The following MAP4 variants were observed in gnomAD, a reference collection of about 807,000 sequenced individuals.
MAP4 encodes the protein microtubule associated protein 4, also known as microtubule-associated protein 4.
A neutral mutation model predicts 170.2 loss-of-function variants in MAP4; 76 were observed. That is an observed-to-expected ratio of 0.45 (90% confidence interval 0.37 to 0.54). The LOEUF (loss-of-function observed/expected upper bound fraction) is 0.54, where lower values mean the gene tolerates loss of function less well. MAP4 is among the 20% of genes least tolerant of loss of function. The pLI is 0.00. For synonymous variants in MAP4, 909 were observed against 994.5 expected (o/e 0.91, Z 1.62); for missense variants, 2,506 against 2,748.0 (o/e 0.91, Z 1.97).
Position 48,078,248 on chromosome 3 carries a change from G to C in MAP4, c.-20+10525C>G, listed in dbSNP as rs187116709. Among the ~76,000 whole-genome samples the C allele has an allele frequency of 7.4e-4, 112 of 151,668 alleles. 1 individual carries two copies. Among genetic ancestry groups the C allele is most frequent in the African/African-American group, 2.6e-3 (109 of 41,352 alleles). On this transcript the variant is annotated intron_variant, in intron 1 of 18. Transcript: ENST00000360240. ...CTCAAATTCTTTGGCTCAAGTGAAT[G>C]ATCCTCCCACCTCAGCCTCCCAAGA...
At chr3:47,876,556 TCAG>T (rs976814732) in intron 11 of MAP4, among the ~76,000 whole-genome samples, 12 of 146,900 alleles carry the variant, frequency 8.2e-5, no homozygotes, top group African/African-American at 3.0e-4. Context: ...AAGAAAAGCA[TCAG>T]GAGGTGATTC....
intron 1 of MAP4, among the ~76,000 whole-genome samples, chr3:48,067,485 G>C (rs2100138896): frequency 6.6e-6 from 1 of 152,064 alleles, no homozygotes; most frequent in Non-Finnish European, 1.5e-5. Flanking sequence ...ACAAGCCACA[G>C]TGCACAGCTA....
Position 47,910,664 on chromosome 3 carries a change from T to G in MAP4, c.3757A>C (p.Ile1253Leu). 6.5e-7 allele frequency: 1 copy of G among 1,536,078 alleles called. No individual in the cohort carries two copies. The highest frequency in any genetic ancestry group is 8.7e-7 in the Non-Finnish European group (1 of 1,146,834). The change falls in exon 9 of 21, where the codon ATT (isoleucine) becomes CTT (leucine). Residue 1253 changes from isoleucine to leucine, a missense_variant. Ile to Leu is a conservative substitution (Grantham distance 5). Coordinates refer to ENST00000683076, the MANE Select transcript of MAP4 (RefSeq NM_001385682.1). ...CCTATTTCCTTGCTTTTATGGGGAA[T>G]ACTACCAGTATCTCCATCCTTCCCT... is the stretch of plus-strand genomic sequence containing the variant. Reference protein sequence around the residue: ...FEGKDGDTGSIPHKSKEIGFT... With the variant: ...FEGKDGDTGSLPHKSKEIGFT...
At chr3:47,913,731 T>C (rs181392688) in intron 8 of MAP4, among the ~76,000 whole-genome samples, 6 of 152,306 alleles carry the variant, frequency 3.9e-5, no homozygotes, top group Non-Finnish European at 8.8e-5. Context: ...TAAGCTCTAG[T>C]CTTGTGCTAG....
chr3:47,985,277 C>CA (rs937074396), intron 2 of MAP4, among the ~76,000 whole-genome samples: 63 of 138,376 alleles, frequency 4.6e-4, no homozygotes, highest in Admixed American at 8.0e-4. Flanking sequence ...AAGACTTTGT[C>CA]AAAAAAAAAA....
At chr3:48,034,552 A>G (rs2100117816) in intron 1 of MAP4, among the ~76,000 whole-genome samples, 3 of 151,928 alleles carry the variant, frequency 2.0e-5, no homozygotes, top group African/African-American at 2.4e-5. Context: ...AAAATACAAA[A>G]AAAGAGCTAA....
rs530548145 is a variant in MAP4, at chr3:47,938,119, C to T, written c.293-9769G>A. On this transcript the variant is annotated intron_variant, in intron 3 of 20. Transcript: ENST00000683076. ...GGTGTGGTGGCTCATGCCTGTAATC[C>T]CAGCACTTTGGGAAGGCAGAGGCAG... Among the ~76,000 whole-genome samples, 8 of 151,672 alleles carry T rather than the reference C, an allele frequency of 5.3e-5. No individual in the cohort carries two copies. The East Asian group carries it at 1.6e-3, about 30-fold the overall frequency.
chr3:48,043,476 G>A (rs915155335), intron 1 of MAP4, among the ~76,000 whole-genome samples: 2 of 151,764 alleles, frequency 1.3e-5, no homozygotes, highest in Non-Finnish European at 2.9e-5. Context: ...CAAAAAGAGA[G>A]ATAACACCAA....
At chr3:48,079,345 A>C (rs2100145438) in intron 1 of MAP4, among the ~76,000 whole-genome samples, 1 of 152,014 alleles carries the variant, frequency 6.6e-6, no homozygotes, top group Admixed American at 6.6e-5. Flanking sequence ...TACTCAACCT[A>C]TATCTGATTA....
intron 3 of MAP4, among the ~76,000 whole-genome samples, chr3:47,966,407 C>A (rs557792963): frequency 1.3e-5 from 2 of 151,756 alleles, no homozygotes; most frequent in African/African-American, 4.8e-5. Context: ...CCACCATGCC[C>A]GGCTAATTTT....
chr3:48,031,638 T>C (rs1188675644), intron 1 of MAP4, among the ~76,000 whole-genome samples: 1 of 151,524 alleles, frequency 6.6e-6, no homozygotes, highest in Non-Finnish European at 1.5e-5. Flanking sequence ...GGTGGGAGGA[T>C]CACTTGGGCC....
intron 8 of MAP4, among the ~76,000 whole-genome samples, chr3:47,914,561 A>C (rs1282711743): frequency 6.6e-6 from 1 of 151,914 alleles, no homozygotes; most frequent in Non-Finnish European, 1.5e-5. Flanking sequence ...AAAAAAAAAA[A>C]ACAACGACAA....
chr3:47,974,198 G>T, intron 3 of MAP4: 1 of 792,960 alleles, frequency 1.3e-6, no homozygotes, highest in Non-Finnish European at 1.5e-6. Context: ...GGCCAAGGCG[G>T]GTGGATCACT....
chr3:47,852,532 C>A lies in MAP4; in HGVS notation c.*402G>T, dbSNP rs1362192927. 2.0e-6 allele frequency: 1 copy of A among 496,724 alleles called. No homozygotes were observed. 30.8% of individuals were successfully genotyped at this position (496,724 alleles called of 1,614,324 possible). On this transcript the variant is annotated 3_prime_UTR_variant, in exon 21 of 21. Transcript: ENST00000683076. Reference sequence around the variant, plus strand: ...ATGTCAGTTTCTTTTGGGTTTGGACCAAAGAACCAAAAAAAGATGAGGATA... The same window carrying A: ...ATGTCAGTTTCTTTTGGGTTTGGACAAAAGAACCAAAAAAAGATGAGGATA...
chr3:47,866,411 A>G (rs2080234673), intron 17 of MAP4, among the ~76,000 whole-genome samples: 1 of 151,798 alleles, frequency 6.6e-6, no homozygotes, highest in African/African-American at 2.4e-5. Flanking sequence ...AAGGAGGGGA[A>G]GAAAAAGGAG....
intron 1 of MAP4, among the ~76,000 whole-genome samples, chr3:48,072,865 A>G (rs2100141691): frequency 6.6e-6 from 1 of 152,216 alleles, no homozygotes; most frequent in Non-Finnish European, 1.5e-5. Context: ...TACATTTGCC[A>G]GTAGAGAAAG....
In MAP4 at chr3:47,852,855, G is replaced by A; in HGVS notation, c.*79C>T. On this transcript the variant is annotated 3_prime_UTR_variant, in exon 21 of 21. Transcript: ENST00000683076. ...AGCCCGAGTTGGGGCCGCCAGGGAA[G>A]TGTGGGGGGCGGGAGACAATGTCGG... is the stretch of plus-strand genomic sequence containing the variant. The A allele has an allele frequency of 6.4e-7, 1 of 1,563,872 alleles. No individual in the cohort carries two copies. The highest frequency in any genetic ancestry group is 8.7e-7 in the Non-Finnish European group (1 of 1,154,024).
At chr3:47,935,427 G>A (rs2100052150) in intron 3 of MAP4, among the ~76,000 whole-genome samples, 1 of 152,058 alleles carries the variant, frequency 6.6e-6, no homozygotes, top group Non-Finnish European at 1.5e-5. Context: ...CTTCATAAAC[G>A]GCAGCTAGAG....
intron 1 of MAP4, among the ~76,000 whole-genome samples, chr3:48,038,412 A>T: frequency 6.6e-6 from 1 of 151,488 alleles, no homozygotes. Flanking sequence ...ATGAAACAGA[A>T]GTTTTATAAA....
Sources: gnomAD v4.1 joint callset for allele counts (sites outside exome capture counted in the v4.1 genomes callset) on GRCh38, gnomAD v4.1.1 for gene constraint, MANE v1.5 for transcripts, NCBI Gene and HGNC (gene_info 2026-07-23, HGNC 2026-07-21) for gene names.